CEP70: variants seen among roughly 807,000 people sequenced by gnomAD.
CEP70 encodes the protein centrosomal protein of 70 kDa.
A neutral mutation model predicts 90.9 loss-of-function variants in CEP70; 70 were observed. The ratio of observed to expected loss-of-function variants is 0.77; its 90% CI spans 0.64 to 0.94. CEP70 has a LOEUF of 0.94. Ranked by LOEUF, CEP70 falls within the 40% of genes least tolerant of loss-of-function variation. CEP70 has a pLI of 0.00. For synonymous variants in CEP70, 220 were observed against 228.3 expected, an observed-to-expected ratio of 0.96 and a Z score of 0.33; for missense variants, 648 against 669.0, an observed-to-expected ratio of 0.97 and a Z score of 0.35.
chr3:138,567,817 C>T (rs1433891891), intron 6 of CEP70, among the ~76,000 whole-genome samples: 1 of 152,122 alleles, frequency 6.6e-6, no homozygotes, highest in East Asian at 1.9e-4. Context: ...ATGATATAAA[C>T]ATATTCATAA....
intron 13 of CEP70, among the ~76,000 whole-genome samples, chr3:138,501,172 TTTATG>T (rs1385389270): frequency 2.0e-5 from 3 of 152,068 alleles, no homozygotes; most frequent in African/African-American, 7.2e-5. Flanking sequence ...TCTAAGTAAT[TTTATG>T]TTATTTATTA....
At chr3:138,527,658 G>T (rs574988429) in intron 10 of CEP70, among the ~76,000 whole-genome samples, 6 of 145,898 alleles carry the variant, frequency 4.1e-5, no homozygotes, top group African/African-American at 1.5e-4. Flanking sequence ...TCGTGCCACA[G>T]CACTCCAGCC....
At chr3:138,498,196 A>T in intron 16 of CEP70, 86 bp from the exon 17 acceptor site, 1 of 856,288 alleles carries the variant, frequency 1.2e-6, no homozygotes, top group Non-Finnish European at 1.8e-6. Context: ...CAAAATAGAA[A>T]CTATATTGCT....
At chr3:138,536,122 T>A (rs901876985) in intron 7 of CEP70, among the ~76,000 whole-genome samples, 2 of 152,052 alleles carry the variant, frequency 1.3e-5, no homozygotes, top group African/African-American at 4.8e-5. Flanking sequence ...GGTAAACATA[T>A]AATACCGCTT....
intron 6 of CEP70, among the ~76,000 whole-genome samples, chr3:138,562,524 C>G (rs2040488569): frequency 6.6e-6 from 1 of 152,192 alleles, no homozygotes; most frequent in Non-Finnish European, 1.5e-5. Context: ...TCCAGAAACC[C>G]TACAAGCCAG....
intron 16 of CEP70, 47 bp downstream of exon 16, chr3:138,500,063 C>T: frequency 7.7e-7 from 1 of 1,304,492 alleles, no homozygotes. Flanking sequence ...TGTGCCACCA[C>T]ACCCAGCCAT....
intron 2 of CEP70, among the ~76,000 whole-genome samples, chr3:138,583,178 A>G (rs2041952014): frequency 6.6e-6 from 1 of 152,206 alleles, no homozygotes; most frequent in Non-Finnish European, 1.5e-5. Flanking sequence ...ATATCAGACA[A>G]AAGAGATTTT....
At chr3:138,500,332 A>G in intron 15 of CEP70, 67 bp downstream of exon 15, 1 of 1,521,732 alleles carries the variant, frequency 6.6e-7, no homozygotes, top group Non-Finnish European at 8.9e-7. Flanking sequence ...ACATTTTTTA[A>G]TCTACTTTTT....
chr3:138,546,069 C>A (rs996024774), intron 6 of CEP70, among the ~76,000 whole-genome samples: 1 of 152,110 alleles, frequency 6.6e-6, no homozygotes, highest in African/African-American at 2.4e-5. Context: ...TTCATACACC[C>A]CCTCCCCTTT....
chr3:138,576,886 G>C (rs558893826), intron 2 of CEP70, among the ~76,000 whole-genome samples: 9 of 152,168 alleles, frequency 5.9e-5, no homozygotes, highest in African/African-American at 2.2e-4. Flanking sequence ...CAGAAATAAA[G>C]ATGTTCTTTG....
intron 11 of CEP70, among the ~76,000 whole-genome samples, chr3:138,521,289 C>T (rs987622582): frequency 2.6e-5 from 4 of 151,896 alleles, no homozygotes; most frequent in Non-Finnish European, 5.9e-5. Context: ...ATGTGAGGAG[C>T]CCCTCTGCCC....
chr3:138,556,796 C>T (rs915357650), intron 6 of CEP70, among the ~76,000 whole-genome samples: 2 of 152,018 alleles, frequency 1.3e-5, no homozygotes, highest in Admixed American at 6.6e-5. Flanking sequence ...ACAGAGATCA[C>T]GTACTTCACA....
At chr3:138,569,771 G>A (rs988131917) in intron 6 of CEP70, among the ~76,000 whole-genome samples, 2 of 152,186 alleles carry the variant, frequency 1.3e-5, no homozygotes, top group Non-Finnish European at 2.9e-5. Context: ...CAGAGGCTGA[G>A]GTGGAAGGAT....
chr3:138,495,896 G>A (rs1185534143), intron 17 of CEP70: 6 of 985,110 alleles, frequency 6.1e-6, no homozygotes, highest in Non-Finnish European at 7.2e-6. Context: ...TAGCCTCATC[G>A]AGTGTACAAA....
At chr3:138,585,400 A>G (rs2042060978) in intron 2 of CEP70, among the ~76,000 whole-genome samples, 1 of 152,158 alleles carries the variant, frequency 6.6e-6, no homozygotes, top group Admixed American at 6.5e-5. Flanking sequence ...AAGAGGCCAC[A>G]AAAAAATGAA....
At chr3:138,591,574 T>C (rs942497602) in intron 2 of CEP70, among the ~76,000 whole-genome samples, 2 of 152,106 alleles carry the variant, frequency 1.3e-5, no homozygotes, top group African/African-American at 4.8e-5. Flanking sequence ...GAGTTAAAGA[T>C]TAGAAGAGTT....
Position 138,532,570 on chromosome 3 carries a change from C to G in CEP70, c.636G>C (p.Gln212His). Residue 212 changes from glutamine (Q) to histidine (H), a missense_variant and splice_region_variant, in exon 8 of 18, where the codon CAG becomes CAC. Transcript: ENST00000264982. ...CATAGTAATCAATTAGACAAAGCAACCTAGAAAACAGAATATTGAATTATT... is the reference window on the plus strand; with the variant it reads ...CATAGTAATCAATTAGACAAAGCAAGCTAGAAAACAGAATATTGAATTATT... Reference protein sequence around the residue: ...KRVPHTVLDRQLLCLIDYYES... With the variant: ...KRVPHTVLDRHLLCLIDYYES... 6.7e-7 allele frequency: 1 copy of G among 1,490,070 alleles called. No individual in the cohort carries two copies. Among genetic ancestry groups the G allele is most frequent in the Non-Finnish European group, 9.0e-7 (1 of 1,116,866 alleles). 92.3% of individuals were successfully genotyped at this position (1,490,070 alleles called of 1,614,324 possible).
chr3:138,572,882 C>T lies in CEP70; in HGVS notation c.46G>A (p.Asp16Asn). ...ACCTGTTTTTCAGTCATGAGTCTGTCTGATGGTTGACTGGAATCCTGGGGT... is the reference window on the plus strand; with the variant it reads ...ACCTGTTTTTCAGTCATGAGTCTGTTTGATGGTTGACTGGAATCCTGGGGT... Reference protein sequence around the residue: ...PKPQDSSQPSDRLMTEKQQEE... With the variant: ...PKPQDSSQPSNRLMTEKQQEE... Residue 16 changes from aspartate to asparagine, a missense_variant, in exon 3 of 18, where the codon GAC (aspartate) becomes AAC (asparagine). Physicochemically the swap from Asp to Asn is conservative, Grantham distance 23 (BLOSUM62 1). Transcript: ENST00000264982. 1 of 1,608,736 alleles carries T rather than the reference C, an allele frequency of 6.2e-7. No homozygotes were observed. The highest frequency in any genetic ancestry group is 1.3e-5 in the African/African-American group (1 of 74,880).
intron 11 of CEP70, 84 bp from the exon 12 acceptor site, chr3:138,508,628 C>T (rs1268908236): frequency 1.8e-5 from 15 of 847,714 alleles, no homozygotes; most frequent in Non-Finnish European, 1.0e-5. Context: ...AATGATCCAG[C>T]CACCCTCCCA....
Sources: gnomAD v4.1 joint callset for allele counts (sites outside exome capture counted in the v4.1 genomes callset) on GRCh38, gnomAD v4.1.1 for gene constraint, MANE v1.5 for transcripts, NCBI Gene and HGNC (gene_info 2026-07-23, HGNC 2026-07-21) for gene names.